FGF12: variants seen among roughly 807,000 people sequenced by gnomAD.
FGF12 encodes the protein fibroblast growth factor 12.
FGF12 carries 14 observed loss-of-function variants against 23.6 expected under a neutral mutation model. That is an observed-to-expected ratio of 0.59 (90% CI 0.39 to 0.93). The LOEUF (loss-of-function observed/expected upper bound fraction) is 0.93. FGF12 is among the 40% of genes least tolerant of loss of function. The pLI is 0.00. For synonymous variants in FGF12, 62 were observed against 77.3 expected (o/e 0.80, Z 1.04); for missense variants, 175 against 217.8 (o/e 0.80, Z 1.24).
intron 4 of FGF12, among the ~76,000 whole-genome samples, chr3:192,254,590 T>C (rs1440530776): frequency 2.0e-5 from 3 of 152,052 alleles, no homozygotes; most frequent in Non-Finnish European, 4.4e-5. Context: ...GATAACTGCA[T>C]TGAATGTGAT....
chr3:192,392,896 T>C (rs1215565287), intron 2 of FGF12, among the ~76,000 whole-genome samples: 2 of 152,208 alleles, frequency 1.3e-5, no homozygotes, highest in Non-Finnish European at 2.9e-5. Context: ...TTTAAAGTTT[T>C]CTACAATATG....
At chr3:192,566,933 C>T (rs1475843843) in intron 2 of FGF12, among the ~76,000 whole-genome samples, 1 of 152,168 alleles carries the variant, frequency 6.6e-6, no homozygotes, top group Non-Finnish European at 1.5e-5. Flanking sequence ...GTGCTATGCA[C>T]TGAATTCTCA....
At chr3:192,539,706 A>G (rs1209042303) in intron 2 of FGF12, among the ~76,000 whole-genome samples, 3 of 152,072 alleles carry the variant, frequency 2.0e-5, no homozygotes, top group Admixed American at 6.6e-5. Context: ...ATTTTTCTGA[A>G]TAGTTTTAGT....
At chr3:192,237,510 T>C (rs1466198354) in intron 4 of FGF12, among the ~76,000 whole-genome samples, 3 of 152,208 alleles carry the variant, frequency 2.0e-5, no homozygotes, top group African/African-American at 7.2e-5. Flanking sequence ...AATCTCATAT[T>C]TCTCAGAGCT....
intron 2 of FGF12, among the ~76,000 whole-genome samples, chr3:192,410,411 C>A (rs1173352790): frequency 6.6e-6 from 1 of 152,154 alleles, no homozygotes; most frequent in African/African-American, 2.4e-5. Flanking sequence ...TCCGTCCGGT[C>A]CCTCCCACAA....
At chr3:192,483,761 A>G (rs1380036278) in intron 2 of FGF12, among the ~76,000 whole-genome samples, 1 of 152,154 alleles carries the variant, frequency 6.6e-6, no homozygotes, top group Non-Finnish European at 1.5e-5. Context: ...CCAGCTAGAA[A>G]AAATATATAA....
At chr3:192,442,859 G>A (rs1344362809) in intron 2 of FGF12, among the ~76,000 whole-genome samples, 2 of 150,220 alleles carry the variant, frequency 1.3e-5, no homozygotes, top group Non-Finnish European at 2.9e-5. Flanking sequence ...CCAGGATGGA[G>A]TGCAGTGGCG....
chr3:192,260,824 A>G (rs1712699665), intron 4 of FGF12, among the ~76,000 whole-genome samples: 2 of 152,112 alleles, frequency 1.3e-5, no homozygotes, highest in South Asian at 4.2e-4. Flanking sequence ...CTAGGCTCTA[A>G]CCCATGCCAG....
At chr3:192,361,511 G>A (rs1458473694) in intron 2 of FGF12, among the ~76,000 whole-genome samples, 1 of 152,144 alleles carries the variant, frequency 6.6e-6, no homozygotes, top group Non-Finnish European at 1.5e-5. Flanking sequence ...GGCAAAGATG[G>A]AAATCATATG....
chr3:192,196,327 T>A (rs1717066777), intron 4 of FGF12, among the ~76,000 whole-genome samples: 1 of 152,188 alleles, frequency 6.6e-6, no homozygotes, highest in Non-Finnish European at 1.5e-5. Context: ...CCTTAAAAAT[T>A]GAGATTTAAA....
intron 4 of FGF12, among the ~76,000 whole-genome samples, chr3:192,318,607 CA>C (rs1181839106): frequency 6.6e-6 from 1 of 151,758 alleles, no homozygotes; most frequent in Non-Finnish European, 1.5e-5. Context: ...ATCAAAAGTA[CA>C]AATCTAAGAG....
chr3:192,411,878 C>T (rs1009598768), intron 2 of FGF12, among the ~76,000 whole-genome samples: 1 of 152,272 alleles, frequency 6.6e-6, no homozygotes, highest in Non-Finnish European at 1.5e-5. Context: ...TCATTCTCAT[C>T]TACCTCGCAG....
intron 2 of FGF12, among the ~76,000 whole-genome samples, chr3:192,659,766 G>C (rs1056514279): frequency 1.3e-5 from 2 of 152,128 alleles, no homozygotes; most frequent in African/African-American, 4.8e-5. Context: ...CCCACCAACA[G>C]TGTAAAAGTG....
chr3:192,271,371 CA>C (rs1713426980), intron 4 of FGF12, among the ~76,000 whole-genome samples: 1 of 152,148 alleles, frequency 6.6e-6, no homozygotes, highest in African/African-American at 2.4e-5. Context: ...TACTGTCAAC[CA>C]GAACTATTGT....
In FGF12 at chr3:192,229,719, C is replaced by G. The variant is rs149823252; in HGVS notation, c.229-59063G>C. On this transcript the variant is annotated intron_variant, in intron 4 of 5. Transcript: ENST00000445105. ...GGCTATTGTAAGTAATTTGAATGGT[C>G]ATGGAAAATAAACTAGCTGAACTAC... Among the ~76,000 whole-genome samples, 1,460 of 152,108 alleles carry G rather than the reference C, an allele frequency of 9.6e-3. 20 individuals are homozygous for G. The highest frequency in any genetic ancestry group is 0.033 in the African/African-American group (1,382 of 41,548).
chr3:192,392,903 T>C (rs894382051), intron 2 of FGF12, among the ~76,000 whole-genome samples: 3 of 152,198 alleles, frequency 2.0e-5, no homozygotes, highest in Non-Finnish European at 4.4e-5. Context: ...TTTTCTACAA[T>C]ATGAAGACTC....
At chr3:192,706,204 T>A (rs866155375) in intron 2 of FGF12, among the ~76,000 whole-genome samples, 10 of 152,306 alleles carry the variant, frequency 6.6e-5, no homozygotes, top group Admixed American at 1.3e-4. Flanking sequence ...AAAATATGTA[T>A]ATTATTTGGG....
At chr3:192,167,423 A>AGTT in intron 5 of FGF12, among the ~76,000 whole-genome samples, 1 of 152,146 alleles carries the variant, frequency 6.6e-6, no homozygotes, top group South Asian at 2.1e-4. Flanking sequence ...TGCAGTGCAC[A>AGTT]GTTGTAAATA....
At chr3:192,573,509 A>G (rs1712741005) in intron 2 of FGF12, among the ~76,000 whole-genome samples, 1 of 152,126 alleles carries the variant, frequency 6.6e-6, no homozygotes, top group South Asian at 2.1e-4. Flanking sequence ...TCCTACCTGA[A>G]GGCCTTTGAA....
Sources: gnomAD v4.1 joint callset for allele counts (sites outside exome capture counted in the v4.1 genomes callset) on GRCh38, gnomAD v4.1.1 for gene constraint, MANE v1.5 for transcripts, NCBI Gene and HGNC (gene_info 2026-07-23, HGNC 2026-07-21) for gene names.